CNTN4: variants seen among roughly 807,000 people sequenced by gnomAD.
The protein encoded by CNTN4 is contactin-4.
Under a neutral mutation model 122.5 loss-of-function variants are expected in CNTN4, and 77 were observed. That is an observed-to-expected ratio of 0.63 (90% CI 0.52 to 0.76). CNTN4 has a LOEUF of 0.76. Ranked by LOEUF, CNTN4 falls within the 30% of genes least tolerant of loss-of-function variation. The pLI is 0.00. For missense variants in CNTN4, 1,256 were observed against 1,259.1 expected, an observed-to-expected ratio of 1.00 and a Z score of 0.04; for synonymous variants, 512 against 447.0, an observed-to-expected ratio of 1.15 and a Z score of -1.83.
chr3:2,965,823 A>G (rs188587891), intron 13 of CNTN4, among the ~76,000 whole-genome samples: 6 of 152,232 alleles, frequency 3.9e-5, no homozygotes, highest in African/African-American at 1.4e-4. Context: ...CCTTTTCTGC[A>G]TGTCGTCCCC....
At chr3:2,186,055 T>A (rs1270332001) in intron 2 of CNTN4, among the ~76,000 whole-genome samples, 2 of 152,166 alleles carry the variant, frequency 1.3e-5, no homozygotes, top group Non-Finnish European at 2.9e-5. Flanking sequence ...ACGTTAGGTA[T>A]GTCTTCTAAT....
chr3:2,126,401 GTTTC>G (rs2034170532), intron 2 of CNTN4, among the ~76,000 whole-genome samples: 2 of 152,096 alleles, frequency 1.3e-5, no homozygotes, highest in Admixed American at 1.3e-4. Context: ...TCTAATTTTA[GTTTC>G]TTTATCTGGC....
At chr3:2,326,077 G>C (rs2150247202) in intron 2 of CNTN4, among the ~76,000 whole-genome samples, 1 of 152,292 alleles carries the variant, frequency 6.6e-6, no homozygotes, top group Non-Finnish European at 1.5e-5. Context: ...ATTTCTGTGA[G>C]GATGTTTCTG....
At chr3:2,953,495 ATTCTACAAC>A (rs2094767752) in intron 13 of CNTN4, among the ~76,000 whole-genome samples, 1 of 150,382 alleles carries the variant, frequency 6.6e-6, no homozygotes, top group South Asian at 2.1e-4. Flanking sequence ...GTCCTCCTCC[ATTCTACAAC>A]TTCTAAACTG....
At chr3:2,753,994 A>G (rs755212724) in intron 6 of CNTN4, among the ~76,000 whole-genome samples, 1 of 152,216 alleles carries the variant, frequency 6.6e-6, no homozygotes, top group Non-Finnish European at 1.5e-5. Context: ...ATTTATTGCA[A>G]GTAGGCTGTA....
At chr3:2,206,467 A>T (rs1297690807) in intron 2 of CNTN4, among the ~76,000 whole-genome samples, 1 of 152,058 alleles carries the variant, frequency 6.6e-6, no homozygotes, top group Non-Finnish European at 1.5e-5. Context: ...GAATGTGAAT[A>T]CTCCTTCACC....
At chr3:2,396,769 G>A (rs1443713304) in intron 3 of CNTN4, among the ~76,000 whole-genome samples, 2 of 151,394 alleles carry the variant, frequency 1.3e-5, no homozygotes, top group African/African-American at 4.8e-5. Context: ...GCTGTAATTT[G>A]GTTCCATGAA....
intron 3 of CNTN4, among the ~76,000 whole-genome samples, chr3:2,360,688 C>T (rs76502732): frequency 6.6e-6 from 1 of 152,132 alleles, no homozygotes; most frequent in South Asian, 2.1e-4. Flanking sequence ...AAGGAGAATT[C>T]CCAAGTAAAG....
At chr3:2,727,518 GTT>G (rs1401492744) in intron 4 of CNTN4, among the ~76,000 whole-genome samples, 5 of 152,174 alleles carry the variant, frequency 3.3e-5, no homozygotes, top group Non-Finnish European at 7.3e-5. Context: ...ATGTGTCAAG[GTT>G]TAAGATCAGG....
intron 7 of CNTN4, 52 bp from the exon 8 acceptor site, chr3:2,866,700 A>G: frequency 6.7e-7 from 1 of 1,492,484 alleles, no homozygotes; most frequent in Admixed American, 1.7e-5. Context: ...TGAAAACAGT[A>G]GAGTTCCAGT....
At chr3:2,893,797 T>C (rs1230724800) in intron 10 of CNTN4, among the ~76,000 whole-genome samples, 1 of 152,202 alleles carries the variant, frequency 6.6e-6, no homozygotes, top group Admixed American at 6.5e-5. Context: ...AATTTACTTA[T>C]AGGAGGTTTT....
intron 3 of CNTN4, among the ~76,000 whole-genome samples, chr3:2,445,135 C>G (rs1559558499): frequency 6.6e-6 from 1 of 152,078 alleles, no homozygotes; most frequent in Admixed American, 6.6e-5. Flanking sequence ...TAATGTTAAG[C>G]CAGATTCTGC....
chr3:2,442,553 T>C (rs2048479521), intron 3 of CNTN4, among the ~76,000 whole-genome samples: 1 of 152,084 alleles, frequency 6.6e-6, no homozygotes, highest in Non-Finnish European at 1.5e-5. Context: ...TATTGAACTA[T>C]TGTAATCTTG....
chr3:3,054,078 T>TA lies in CNTN4; in HGVS notation c.2980+107dup, dbSNP rs758843476. The TA allele has an allele frequency of 1.0e-3, 1,245 of 1,226,006 alleles. 3 individuals are homozygous for TA. The highest frequency in any genetic ancestry group is 6.6e-3 in the Middle Eastern group (26 of 3,924). 75.9% of individuals were successfully genotyped at this position (1,226,006 alleles called of 1,614,324 possible). On this transcript the variant is annotated intron_variant, in intron 24 of 24. Coordinates refer to ENST00000418658, the MANE Select transcript of CNTN4 (RefSeq NM_175607.3). ...GACATTCAGCCTGCAAAAGCAGACTTAAAATAGAAATGGAGAACACTACCC... is the reference window on the plus strand; with the variant it reads ...GACATTCAGCCTGCAAAAGCAGACTTAAAAATAGAAATGGAGAACACTACCC...
intron 5 of CNTN4, 85 bp downstream of exon 5, chr3:2,736,426 A>G (rs1249804103): frequency 4.4e-6 from 4 of 903,084 alleles, no homozygotes; most frequent in Non-Finnish European, 6.3e-6. Context: ...CTGGTTACAT[A>G]AAGAGCTTTT....
At chr3:2,803,318 G>T (rs1414865765) in intron 6 of CNTN4, among the ~76,000 whole-genome samples, 2 of 152,166 alleles carry the variant, frequency 1.3e-5, no homozygotes, top group Admixed American at 6.5e-5. Flanking sequence ...AGGGAGAAAA[G>T]ATTGAAAATT....
At chr3:2,705,728 AATAT>A (rs1459760079) in intron 4 of CNTN4, among the ~76,000 whole-genome samples, 1 of 98,852 alleles carries the variant, frequency 1.0e-5, no homozygotes, top group Non-Finnish European at 1.7e-5. Flanking sequence ...CAACATATAA[AATAT>A]ATATGATATA....
At chr3:2,335,584 GTTTTT>G (rs66498510) in intron 2 of CNTN4, among the ~76,000 whole-genome samples, 27 of 145,556 alleles carry the variant, frequency 1.9e-4, no homozygotes, top group Non-Finnish European at 1.9e-4. Context: ...AATTCTGTGG[GTTTTT>G]TTTTTTTTTT....
chr3:2,957,712 T>C (rs575449479), intron 13 of CNTN4, among the ~76,000 whole-genome samples: 1 of 152,224 alleles, frequency 6.6e-6, no homozygotes, highest in Admixed American at 6.5e-5. Flanking sequence ...ATTTCTGTGT[T>C]AGTTTGCTTA....
Sources: gnomAD v4.1 joint callset for allele counts (sites outside exome capture counted in the v4.1 genomes callset) on GRCh38, gnomAD v4.1.1 for gene constraint, MANE v1.5 for transcripts, NCBI Gene and HGNC (gene_info 2026-07-23, HGNC 2026-07-21) for gene names.